TRHDE: variants seen among roughly 807,000 people sequenced by gnomAD.
The protein encoded by TRHDE is thyrotropin-releasing hormone-degrading ectoenzyme.
TRHDE carries 72 observed loss-of-function variants against 125.7 expected under a neutral mutation model. That is an observed-to-expected ratio of 0.57 (90% CI 0.47 to 0.70). TRHDE has a LOEUF of 0.70. TRHDE is among the 30% of genes least tolerant of loss of function. The probability of loss-of-function intolerance (pLI) is 0.00; values close to 1 mark genes in which losing one functional copy is unlikely to be tolerated. For synonymous variants in TRHDE, 509 were observed against 509.1 expected (o/e 1.00, Z 0.00); for missense variants, 1,110 against 1,327.1 (o/e 0.84, Z 2.54).
chr12:72,160,158 C>G (rs962763944), intron 2 of TRHDE, among the ~76,000 whole-genome samples: 7 of 152,132 alleles, frequency 4.6e-5, no homozygotes, highest in Non-Finnish European at 1.0e-4. Context: ...ATGTTACATA[C>G]CCACATTGTT....
intron 12 of TRHDE, among the ~76,000 whole-genome samples, chr12:72,588,812 G>C (rs756086603): frequency 3.3e-5 from 5 of 152,168 alleles, no homozygotes; most frequent in Non-Finnish European, 7.3e-5. Context: ...AAAGGAAAGA[G>C]ATTTAATTGA....
chr12:72,402,315 T>A (rs1408545900), intron 3 of TRHDE, among the ~76,000 whole-genome samples: 2 of 152,080 alleles, frequency 1.3e-5, no homozygotes, highest in Admixed American at 1.3e-4. Context: ...TTAAGAAAGT[T>A]TGCAAATTTG....
intron 3 of TRHDE, among the ~76,000 whole-genome samples, chr12:72,447,578 G>C (rs940241379): frequency 1.3e-4 from 19 of 151,992 alleles, no homozygotes; most frequent in African/African-American, 3.6e-4. Context: ...CAAGCAATCT[G>C]TTTTATGAAA....
At position 72,609,981 on chromosome 12, in the gene TRHDE, G is replaced by A. The variant is rs577578873; in HGVS notation, c.2322-8910G>A. On this transcript the variant is annotated intron_variant, in intron 12 of 18. Transcript: ENST00000261180. ...GAATTCCATACTACCTTTAAGAGTT[G>A]TATTTTCCATGGAAATCATAAACTC... Among the ~76,000 whole-genome samples the A allele has an allele frequency of 2.6e-5, 4 of 152,164 alleles. No homozygotes were observed. The South Asian group carries it at 8.3e-4, about 32-fold the overall frequency.
intron 10 of TRHDE, among the ~76,000 whole-genome samples, chr12:72,575,016 C>G (rs1870924042): frequency 6.6e-6 from 1 of 151,864 alleles, no homozygotes. Flanking sequence ...GGGGTTTTGT[C>G]AAGAACAAAA....
At chr12:72,317,227 G>A (rs1308061139) in intron 2 of TRHDE, among the ~76,000 whole-genome samples, 2 of 152,118 alleles carry the variant, frequency 1.3e-5, no homozygotes, top group African/African-American at 2.4e-5. Context: ...TTTTTCTACT[G>A]CATCCCCTTA....
intron 2 of TRHDE, among the ~76,000 whole-genome samples, chr12:72,225,491 G>T (rs2139371086): frequency 6.6e-6 from 1 of 152,282 alleles, no homozygotes; most frequent in African/African-American, 2.4e-5. Context: ...ATAGGAGTAG[G>T]TAATGGGAGG....
chr12:72,481,933 T>A (rs1157861511), intron 5 of TRHDE, among the ~76,000 whole-genome samples: 1 of 152,012 alleles, frequency 6.6e-6, no homozygotes, highest in East Asian at 1.9e-4. Context: ...ATCATTTTAG[T>A]TTTTCTTCTT....
intron 3 of TRHDE, among the ~76,000 whole-genome samples, chr12:72,444,317 A>G (rs975376147): frequency 2.6e-5 from 4 of 151,874 alleles, no homozygotes; most frequent in Admixed American, 2.0e-4. Context: ...TTGCACTGTA[A>G]AAGTCTGTCT....
chr12:72,247,562 T>C (rs1481450647), intron 2 of TRHDE, among the ~76,000 whole-genome samples: 1 of 152,204 alleles, frequency 6.6e-6, no homozygotes, highest in African/African-American at 2.4e-5. Flanking sequence ...TTTATAAAAA[T>C]TCCCTAGGTT....
chr12:72,406,883 A>G (rs532848850), intron 3 of TRHDE, among the ~76,000 whole-genome samples: 1 of 152,168 alleles, frequency 6.6e-6, no homozygotes, highest in East Asian at 1.9e-4. Flanking sequence ...TTTGTTTTTC[A>G]TTATGACAAA....
intron 2 of TRHDE, among the ~76,000 whole-genome samples, chr12:72,192,153 G>C (rs1877353388): frequency 6.6e-6 from 1 of 152,062 alleles, no homozygotes; most frequent in South Asian, 2.1e-4. Flanking sequence ...TGTAATATTA[G>C]AGGAGATTAG....
At chr12:72,330,592 T>C (rs913091284) in intron 2 of TRHDE, among the ~76,000 whole-genome samples, 1 of 152,204 alleles carries the variant, frequency 6.6e-6, no homozygotes, top group Non-Finnish European at 1.5e-5. Flanking sequence ...TTAAATAGTT[T>C]GTGAGCAGCA....
chr12:72,561,145 A>G (rs1391591324), intron 7 of TRHDE, among the ~76,000 whole-genome samples: 1 of 152,172 alleles, frequency 6.6e-6, no homozygotes, highest in Non-Finnish European at 1.5e-5. Context: ...GGGAGTTGCC[A>G]TTTGCTGTGC....
chr12:72,225,603 G>A (rs998410267), intron 2 of TRHDE, among the ~76,000 whole-genome samples: 2 of 152,182 alleles, frequency 1.3e-5, no homozygotes, highest in Non-Finnish European at 2.9e-5. Flanking sequence ...TGTATAAAAG[G>A]TGAGTTATTA....
At chr12:72,640,631 G>T (rs771035403) in intron 15 of TRHDE, among the ~76,000 whole-genome samples, 1 of 151,024 alleles carries the variant, frequency 6.6e-6, no homozygotes, top group Non-Finnish European at 1.5e-5. Context: ...CTCTGAGTTC[G>T]ATCTAAGTCT....
At chr12:72,559,188 A>T (rs1209110756) in intron 7 of TRHDE, among the ~76,000 whole-genome samples, 1 of 152,190 alleles carries the variant, frequency 6.6e-6, no homozygotes, top group Non-Finnish European at 1.5e-5. Context: ...ATAGCCTGAG[A>T]TTATTAAAAA....
intron 6 of TRHDE, among the ~76,000 whole-genome samples, chr12:72,524,501 A>G (rs1723057942): frequency 6.6e-6 from 1 of 152,166 alleles, no homozygotes; most frequent in African/African-American, 2.4e-5. Flanking sequence ...TTGCAGATTA[A>G]TTGGTATGAT....
At chr12:72,139,852 G>T (rs1876072476) in intron 2 of TRHDE, among the ~76,000 whole-genome samples, 1 of 152,182 alleles carries the variant, frequency 6.6e-6, no homozygotes, top group Non-Finnish European at 1.5e-5. Flanking sequence ...TGATGGGAAT[G>T]AGTGGTTGGA....
Sources: allele counts gnomAD v4.1 joint callset (sites outside exome capture counted in the v4.1 genomes callset), GRCh38; gene constraint gnomAD v4.1.1; transcripts MANE v1.5; gene names NCBI Gene and HGNC (gene_info 2026-07-23, HGNC 2026-07-21).